Variants in OPCML observed in about 807,000 individuals in gnomAD.
OPCML encodes opioid binding protein/cell adhesion molecule like.
OPCML carries 13 observed loss-of-function variants against 37.8 expected under a neutral mutation model. The observed-to-expected ratio is 0.34, with a 90% confidence interval of 0.22 to 0.55. OPCML has a LOEUF of 0.55. Ranked by LOEUF, OPCML falls within the 20% of genes least tolerant of loss-of-function variation. The pLI, the probability that OPCML is intolerant of heterozygous loss-of-function variation, is 0.91. For synonymous variants in OPCML, 176 were observed against 168.8 expected, an observed-to-expected ratio of 1.04 and a Z score of -0.33; for missense variants, 341 against 435.6, an observed-to-expected ratio of 0.78 and a Z score of 1.93.
intron 1 of OPCML, among the ~76,000 whole-genome samples, chr11:133,108,917 G>A (rs1349383670): frequency 6.6e-6 from 1 of 152,148 alleles, no homozygotes; most frequent in Non-Finnish European, 1.5e-5. Context: ...CAGGAAGCCT[G>A]ACTCCACTGC....
chr11:133,409,569 C>T (rs1402361085), intron 1 of OPCML, among the ~76,000 whole-genome samples: 1 of 152,132 alleles, frequency 6.6e-6, no homozygotes, highest in Non-Finnish European at 1.5e-5. Context: ...GTCTTATATA[C>T]ATTTTATCCA....
At chr11:133,089,943 C>G (rs772869613) in intron 1 of OPCML, among the ~76,000 whole-genome samples, 4 of 152,210 alleles carry the variant, frequency 2.6e-5, no homozygotes, top group Non-Finnish European at 5.9e-5. Flanking sequence ...CAAAAGTTAA[C>G]AGGTTCTCTC....
chr11:133,376,410 T>A (rs891199180), intron 1 of OPCML, among the ~76,000 whole-genome samples: 9 of 152,190 alleles, frequency 5.9e-5, no homozygotes, highest in African/African-American at 2.2e-4. Flanking sequence ...AATATTGTGA[T>A]GACATTAAAC....
At chr11:132,523,007 G>T (rs1469334079) in intron 4 of OPCML, among the ~76,000 whole-genome samples, 1 of 152,142 alleles carries the variant, frequency 6.6e-6, no homozygotes, top group Admixed American at 6.5e-5. Flanking sequence ...CCTGATCTCG[G>T]CTCACTGCAA....
At position 132,635,590 on chromosome 11, in the gene OPCML, AC is replaced by A. The variant is rs200954903; in HGVS notation, c.379+21496del. Among the ~76,000 whole-genome samples, 3 of 5,610 alleles carry A rather than the reference AC, an allele frequency of 5.3e-4. No individual in the cohort carries two copies. In the East Asian group the frequency reaches 0.025, roughly 48 times the overall value. 3.7% of individuals were successfully genotyped at this position (5,610 alleles called of 152,430 possible). A position where few individuals can be genotyped will look rare whatever the true frequency, so the allele number is the denominator to read the frequency against. The stretch of plus-strand genomic sequence containing the variant: ...ATGTCTTGCCTACCAGAGAAATTTG[AC>A]CAAAAAAAAATTTGTTGACCAAACT... On this transcript the variant is annotated intron_variant, in intron 3 of 7. Transcript: ENST00000524381.
intron 2 of OPCML, among the ~76,000 whole-genome samples, chr11:132,809,890 G>GC (rs1308963616): frequency 1.5e-4 from 23 of 151,738 alleles, no homozygotes; most frequent in South Asian, 4.2e-4. Context: ...TTGCTCTGTC[G>GC]CCAGGCTGGA....
At chr11:133,063,302 C>T (rs2136993492) in intron 1 of OPCML, among the ~76,000 whole-genome samples, 1 of 152,234 alleles carries the variant, frequency 6.6e-6, no homozygotes, top group Non-Finnish European at 1.5e-5. Context: ...ATGCCTTTTC[C>T]AGCCTCCTGT....
chr11:132,572,554 T>C (rs376942581), intron 3 of OPCML, among the ~76,000 whole-genome samples: 2 of 152,240 alleles, frequency 1.3e-5, no homozygotes, highest in East Asian at 3.9e-4. Context: ...TGAAGATCAA[T>C]TGACTATGTA....
At chr11:133,055,411 C>G (rs1031798355) in intron 1 of OPCML, among the ~76,000 whole-genome samples, 6 of 149,480 alleles carry the variant, frequency 4.0e-5, no homozygotes, top group African/African-American at 1.2e-4. Flanking sequence ...GGAGACGCCT[C>G]TACCGTATAA....
intron 1 of OPCML, among the ~76,000 whole-genome samples, chr11:133,424,579 C>T (rs7127018): frequency 0.13 from 19,823 of 152,042 alleles, 1,894 homozygotes; most frequent in African/African-American, 0.26. Flanking sequence ...AGTGTCCCAT[C>T]CTGTGGCTAA....
intron 1 of OPCML, among the ~76,000 whole-genome samples, chr11:133,015,407 GGAAGGAAGGAAGGAAGGAAGGAAT>G (rs1565398777): frequency 3.9e-3 from 419 of 106,944 alleles, no homozygotes; most frequent in African/African-American, 7.5e-3. Context: ...AAGGAAGGAA[GGAAGGAAGGAAGGAAGGAAGGAAT>G]GAAGGAAGGA....
At chr11:132,520,654 T>A (rs898782144) in intron 4 of OPCML, among the ~76,000 whole-genome samples, 1 of 123,952 alleles carries the variant, frequency 8.1e-6, no homozygotes, top group Non-Finnish European at 1.9e-5. Flanking sequence ...AATGGTGTCA[T>A]CTTATGTAAC....
chr11:133,462,338 T>C (rs1180452816), intron 1 of OPCML, among the ~76,000 whole-genome samples: 1 of 151,948 alleles, frequency 6.6e-6, no homozygotes. Context: ...AGTAGATAAA[T>C]TGGACTTCAT....
intron 2 of OPCML, among the ~76,000 whole-genome samples, chr11:132,825,764 T>A (rs1440842765): frequency 1.3e-5 from 2 of 152,190 alleles, no homozygotes; most frequent in East Asian, 3.9e-4. Flanking sequence ...TGGTAGAATG[T>A]CTGTTAGTTT....
At chr11:133,436,909 C>A (rs891572855) in intron 1 of OPCML, among the ~76,000 whole-genome samples, 3 of 152,178 alleles carry the variant, frequency 2.0e-5, no homozygotes, top group African/African-American at 7.2e-5. Flanking sequence ...TTTATACACA[C>A]TCATGGCTAC....
At chr11:133,342,581 G>A (rs1943897521) in intron 1 of OPCML, among the ~76,000 whole-genome samples, 1 of 152,180 alleles carries the variant, frequency 6.6e-6, no homozygotes, top group South Asian at 2.1e-4. Flanking sequence ...CCCTCCAGAG[G>A]GACCCGTGCG....
chr11:132,580,459 C>T (rs2096459944), intron 3 of OPCML, among the ~76,000 whole-genome samples: 1 of 152,072 alleles, frequency 6.6e-6, no homozygotes, highest in African/African-American at 2.4e-5. Flanking sequence ...GCAGATGGAA[C>T]TAGTTATGTT....
At chr11:133,116,863 A>T (rs1949343625) in intron 1 of OPCML, among the ~76,000 whole-genome samples, 1 of 148,704 alleles carries the variant, frequency 6.7e-6, no homozygotes, top group African/African-American at 2.5e-5. Context: ...TAGTTTTAGT[A>T]TTCATTGATG....
At chr11:133,183,721 G>A (rs1467609463) in intron 1 of OPCML, among the ~76,000 whole-genome samples, 5 of 152,116 alleles carry the variant, frequency 3.3e-5, no homozygotes, top group Non-Finnish European at 5.9e-5. Flanking sequence ...AAATGTATTT[G>A]GAGATTCTAG....
Sources: allele counts gnomAD v4.1 joint callset (sites outside exome capture counted in the v4.1 genomes callset), GRCh38; gene constraint gnomAD v4.1.1; transcripts MANE v1.5; gene names NCBI Gene and HGNC (gene_info 2026-07-23, HGNC 2026-07-21).